Variants in NAPA observed in about 807,000 individuals in gnomAD.
The protein encoded by NAPA is alpha-soluble NSF attachment protein.
NAPA carries 18 observed loss-of-function variants against 48.0 expected under a neutral mutation model. The ratio of observed to expected loss-of-function variants is 0.38; its 90% confidence interval spans 0.26 to 0.56. The LOEUF (loss-of-function observed/expected upper bound fraction) is 0.56. Ranked by LOEUF, NAPA falls within the 20% of genes least tolerant of loss-of-function variation. The pLI, the probability that NAPA is intolerant of heterozygous loss-of-function variation, is 0.77. For missense variants in NAPA, 315 were observed against 385.0 expected (o/e 0.82, Z 1.52); for synonymous variants, 152 against 149.9 (o/e 1.01, Z -0.10).
chr19:47,508,600 G>T (rs1310444518), intron 1 of NAPA, among the ~76,000 whole-genome samples: 1 of 152,162 alleles, frequency 6.6e-6, no homozygotes, highest in East Asian at 1.9e-4. Flanking sequence ...TTGGGGTGGC[G>T]AGACCTGGGC....
chr19:47,502,640 C>T, intron 2 of NAPA, among the ~76,000 whole-genome samples: 1 of 152,204 alleles, frequency 6.6e-6, no homozygotes, highest in East Asian at 1.9e-4. Context: ...GGGTCTCTTG[C>T]CGTATTTCCT....
chr19:47,490,432 TGTGGTGTGATGTGTGTGGTGTG>T (rs1225842130), intron 9 of NAPA, among the ~76,000 whole-genome samples: 5 of 97,692 alleles, frequency 5.1e-5, no homozygotes, highest in Admixed American at 1.2e-4. Flanking sequence ...ATGTGTGTGG[TGTGGTGTGATGTGTGTGGTGTG>T]GTGTGTGTAG....
At chr19:47,484,556 A>C (rs1968014020), downstream of NAPA, 3 of 205,412 alleles carry the variant, frequency 1.5e-5, no homozygotes, top group Admixed American at 1.6e-4. Context: ...CTTTATTAAA[A>C]ATTCGCAAGG....
In NAPA at chr19:47,497,688, C is replaced by T. The variant is rs561296201; in HGVS notation, c.296-2092G>A. Reference sequence around the variant, plus strand: ...GCCACCGCCCATCCCCGCAGTCACTCCTACCAGCGACGCCCAACCTGACTT... The same window carrying T: ...GCCACCGCCCATCCCCGCAGTCACTTCTACCAGCGACGCCCAACCTGACTT... On this transcript the variant is annotated intron_variant, in intron 3 of 10. Transcript: ENST00000263354. Among the ~76,000 whole-genome samples, 14 of 152,374 alleles carry T rather than the reference C, an allele frequency of 9.2e-5. No individual in the cohort carries two copies. The East Asian group carries it at 2.7e-3, about 29-fold the overall frequency.
rs893861340 is a variant in NAPA, at chr19:47,514,959, C to G, written c.-19G>C. ...TGTCCATGGCGGCCACAAAGGGACTCAGCAAAGCGCCTGACCCTGACCCTG... is the reference window on the plus strand; with the variant it reads ...TGTCCATGGCGGCCACAAAGGGACTGAGCAAAGCGCCTGACCCTGACCCTG... On this transcript the variant is annotated 5_prime_UTR_variant, in exon 1 of 11. Coordinates refer to ENST00000263354, the MANE Select transcript of NAPA (RefSeq NM_003827.4). 1 of 1,612,020 alleles carries G rather than the reference C, an allele frequency of 6.2e-7. No individual in the cohort carries two copies. The highest frequency in any genetic ancestry group is 8.5e-7 in the Non-Finnish European group (1 of 1,178,892).
chr19:47,511,651 C>A (rs1425978655), intron 1 of NAPA, among the ~76,000 whole-genome samples: 1 of 152,226 alleles, frequency 6.6e-6, no homozygotes, highest in Non-Finnish European at 1.5e-5. Flanking sequence ...TGGAATCACA[C>A]AGAACTGGGT....
At chr19:47,487,068 T>C (rs114473793), downstream of NAPA, among the ~76,000 whole-genome samples, 2,259 of 152,282 alleles carry the variant, frequency 0.015, 40 homozygotes, top group Middle Eastern at 0.054. Flanking sequence ...ACATGCACAT[T>C]GTGGAGTGTG....
chr19:47,492,207 G>C (rs982121860), intron 7 of NAPA, 88 bp from the exon 8 acceptor site: 2 of 1,199,204 alleles, frequency 1.7e-6, no homozygotes, highest in African/African-American at 3.0e-5. Context: ...GGCCAGCTGG[G>C]AGCTGGTTCA....
rs751976552 is a variant in NAPA, at chr19:47,493,512, G to A, written c.343-19C>T. On this transcript the variant is annotated intron_variant, in intron 4 of 10. Coordinates refer to ENST00000263354, the MANE Select transcript of NAPA (RefSeq NM_003827.4). The surrounding 1 kb of genome is among the most constrained non-coding windows in gnomAD (Gnocchi z 6.4). The stretch of plus-strand genomic sequence containing the variant: ...ATCGGCCCTGGAGGGGACACAGGAA[G>A]GGGCTGCCTGCGACTCATGACCTCC... 6.2e-7 allele frequency: 1 copy of A among 1,612,276 alleles called. No homozygotes were observed. Among genetic ancestry groups the A allele is most frequent in the Admixed American group, 1.7e-5 (1 of 60,012 alleles).
At position 47,490,744 on chromosome 19, in the gene NAPA, G is replaced by A. The variant is rs201219534; in HGVS notation, c.735+44C>T. 47 of 1,577,360 alleles carry A rather than the reference G, an allele frequency of 3.0e-5. No individual in the cohort carries two copies. In the East Asian group the frequency reaches 3.8e-4, roughly 13 times the overall value. On this transcript the variant is annotated intron_variant, in intron 9 of 10. Coordinates refer to ENST00000263354, the MANE Select transcript of NAPA (RefSeq NM_003827.4). ...CCCACCTGGAGCCCCAGCCACCCCCGTCTGAGGTTCGGGAAGGGGGAGGCC... is the reference window on the plus strand; with the variant it reads ...CCCACCTGGAGCCCCAGCCACCCCCATCTGAGGTTCGGGAAGGGGGAGGCC...
downstream of NAPA, among the ~76,000 whole-genome samples, chr19:47,484,995 C>T (rs76305423): frequency 5.4e-3 from 824 of 152,180 alleles, 5 homozygotes; most frequent in Non-Finnish European, 9.4e-3. Flanking sequence ...CCCCCTTGCC[C>T]GGCCTATAGT....
intron 1 of NAPA, among the ~76,000 whole-genome samples, chr19:47,513,141 C>T (rs1404516762): frequency 6.6e-6 from 1 of 152,226 alleles, no homozygotes; most frequent in East Asian, 1.9e-4. Context: ...CCACCGCCCC[C>T]TGCCAAACTC....
intron 9 of NAPA, 53 bp from the exon 10 acceptor site, chr19:47,489,814 G>C: frequency 6.3e-7 from 1 of 1,595,976 alleles, no homozygotes; most frequent in Non-Finnish European, 8.6e-7. Flanking sequence ...CTGAGGTCTG[G>C]CCTGGATTAG....
intron 4 of NAPA, among the ~76,000 whole-genome samples, chr19:47,494,668 G>A (rs977660710): frequency 1.4e-5 from 2 of 147,370 alleles, no homozygotes; most frequent in African/African-American, 2.5e-5. Flanking sequence ...AACCTGGGAG[G>A]CAGAGGTTGC....
chr19:47,492,983 T>C lies in NAPA; in HGVS notation c.539A>G (p.Lys180Arg), dbSNP rs749785005. Residue 180 changes from lysine (K) to arginine (R), a missense_variant, in exon 7 of 11, where the codon AAG becomes AGG. Physicochemically the swap from Lys to Arg is conservative, Grantham distance 26. This residue lies in a region of NAPA where 5 missense variants were observed against 21.4 expected (regional missense o/e 0.23). Transcript: ENST00000263354. ...GYAALLEQYQKAIDIYEQVGT... is the reference protein window; with the variant it reads ...GYAALLEQYQRAIDIYEQVGT... ...CACCTGTTCGTAGATGTCAATGGCC[T>C]TCTGATACTGCTCCAGCAGCGCAGC... 6.2e-7 allele frequency: 1 copy of C among 1,614,144 alleles called. No homozygotes were observed. Among genetic ancestry groups the C allele is most frequent in the South Asian group, 1.1e-5 (1 of 91,080 alleles).
intron 1 of NAPA, among the ~76,000 whole-genome samples, chr19:47,511,050 G>A (rs1375189303): frequency 4.6e-5 from 7 of 152,192 alleles, no homozygotes; most frequent in African/African-American, 7.2e-5. Context: ...ATCGCCTTGC[G>A]TCCCAGGTGC....
Position 47,493,523 on chromosome 19 carries a change from C to A in NAPA, c.343-30G>T. ...AGGGGACACAGGAAGGGGCTGCCTGCGACTCATGACCTCCTGCGTGCCTGC... is the reference window on the plus strand; with the variant it reads ...AGGGGACACAGGAAGGGGCTGCCTGAGACTCATGACCTCCTGCGTGCCTGC... On this transcript the variant is annotated intron_variant, in intron 4 of 10. Coordinates refer to ENST00000263354, the MANE Select transcript of NAPA (RefSeq NM_003827.4). This position sits in a 1 kb window ranked among gnomAD's most constrained non-coding sequence, Gnocchi z 6.4. 2 of 1,600,718 alleles carry A rather than the reference C, an allele frequency of 1.2e-6. No individual in the cohort carries two copies. The highest frequency in any genetic ancestry group is 1.7e-6 in the Non-Finnish European group (2 of 1,168,818).
At chr19:47,512,532 C>A (rs1968824946) in intron 1 of NAPA, among the ~76,000 whole-genome samples, 1 of 152,142 alleles carries the variant, frequency 6.6e-6, no homozygotes, top group Non-Finnish European at 1.5e-5. Context: ...AGTCCAACAG[C>A]CCACTAATCC....
At chr19:47,495,044 C>T (rs551244497) in intron 4 of NAPA, 2 of 154,944 alleles carry the variant, frequency 1.3e-5, no homozygotes, top group African/African-American at 4.8e-5. Context: ...GTTTTGTCGC[C>T]TACGCTGGAG....
Sources: gnomAD v4.1 joint callset for allele counts (sites outside exome capture counted in the v4.1 genomes callset) on GRCh38, gnomAD v4.1.1 for gene constraint, gnomAD v4.1.1 regional missense constraint, Gnocchi (gnomAD v3.1) non-coding constraint, MANE v1.5 for transcripts, NCBI Gene and HGNC (gene_info 2026-07-23, HGNC 2026-07-21) for gene names.